The following PKD1L3 variants were observed in gnomAD, a reference collection of about 807,000 sequenced individuals.
PKD1L3 encodes the protein polycystin-1-like protein 3.
In PKD1L3, 239 loss-of-function variants were observed where a neutral mutation model predicts 184.1. The observed-to-expected ratio is 1.30, with a 90% CI of 1.17 to 1.45. PKD1L3 has a LOEUF of 1.45. Ranked by LOEUF, PKD1L3 falls within the 40% of genes most tolerant of loss-of-function variation. PKD1L3 has a pLI of 0.00. For synonymous variants in PKD1L3, 996 were observed against 778.8 expected, an observed-to-expected ratio of 1.28 and a Z score of -4.64; for missense variants, 2,660 against 2,067.2, an observed-to-expected ratio of 1.29 and a Z score of -5.56.
chr16:71,949,910 G>GTGAA lies in PKD1L3; in HGVS notation c.3487_3490dup (p.Thr1164IlefsTer3), dbSNP rs1245209321. On this transcript the variant is annotated frameshift_variant, in exon 21 of 30. Transcript: ENST00000620267. LOFTEE classifies it high-confidence loss of function. ...TGTAAAAAAGGCTGAAGCCAGGCTAGTGAAACCTAAGAGGAGCCAGCAGAC... is the reference window on the plus strand; with the variant it reads ...TGTAAAAAAGGCTGAAGCCAGGCTAGTGAATGAAACCTAAGAGGAGCCAGCAGAC... 11 of 1,551,698 alleles carry GTGAA rather than the reference G, an allele frequency of 7.1e-6. No homozygotes were observed. Among genetic ancestry groups the GTGAA allele is most frequent in the Non-Finnish European group, 9.6e-6 (11 of 1,146,998 alleles).
intron 16 of PKD1L3, among the ~76,000 whole-genome samples, chr16:71,961,635 A>C (rs1233608588): frequency 1.3e-5 from 2 of 151,994 alleles, no homozygotes; most frequent in Admixed American, 6.6e-5. Context: ...TGACCTTGTG[A>C]GCGAATCATT....
intron 25 of PKD1L3, among the ~76,000 whole-genome samples, chr16:71,936,581 G>A (rs2038188494): frequency 6.7e-6 from 1 of 148,864 alleles, no homozygotes; most frequent in African/African-American, 2.5e-5. Flanking sequence ...GTGCAAGGGC[G>A]CGATCTCGGC....
chr16:71,995,161 G>T (rs79515913), intron 2 of PKD1L3, among the ~76,000 whole-genome samples: 1 of 152,098 alleles, frequency 6.6e-6, no homozygotes, highest in Non-Finnish European at 1.5e-5. Flanking sequence ...GTTGGGGGAA[G>T]GCTGCAACCT....
At chr16:71,959,934 C>T (rs1002950280) in intron 16 of PKD1L3, among the ~76,000 whole-genome samples, 2 of 151,956 alleles carry the variant, frequency 1.3e-5, no homozygotes, top group African/African-American at 4.8e-5. Context: ...GCTTGGGCAA[C>T]ATGGTGAGAC....
At position 71,942,886 on chromosome 16, in the gene PKD1L3, G is replaced by C; in HGVS notation, c.3998C>G (p.Pro1333Arg). Residue 1333 changes from proline (P) to arginine (R), a missense_variant, in exon 24 of 30, where the codon CCC becomes CGC. Transcript: ENST00000620267. ...AGGAAGAAGGATATGATTGGCCCAG[G>C]GGTAGAAATCCTGAAGAAGTTTGAT... ...SEIKLLQDFY[P>R]WANHILLPSL... 1 of 1,551,608 alleles carries C rather than the reference G, an allele frequency of 6.4e-7. No individual in the cohort carries two copies. The highest frequency in any genetic ancestry group is 8.7e-7 in the Non-Finnish European group (1 of 1,146,954).
chr16:71,960,700 TA>T (rs768121547), intron 16 of PKD1L3, among the ~76,000 whole-genome samples: 23 of 152,238 alleles, frequency 1.5e-4, no homozygotes, highest in Middle Eastern at 6.8e-3. Flanking sequence ...ATTAAACAGA[TA>T]AAAAATCACA....
rs867987231 is a variant in PKD1L3 at position 71,985,351 on chromosome 16, G to A, written c.834+870C>T. Among the ~76,000 whole-genome samples the A allele has an allele frequency of 5.9e-5, 9 of 152,096 alleles. No homozygotes were observed. The South Asian group carries it at 8.3e-4, about 14-fold the overall frequency. ...GTTCAACTGCATATAAACAGGGCTC[G>A]TTTGAGTTTAGGGAAAAAAAAGCAT... On this transcript the variant is annotated intron_variant, in intron 5 of 29. Coordinates refer to ENST00000620267, the MANE Select transcript of PKD1L3 (RefSeq NM_181536.2).
At chr16:71,936,461 C>T (rs1460368614) in intron 25 of PKD1L3, among the ~76,000 whole-genome samples, 1 of 151,280 alleles carries the variant, frequency 6.6e-6, no homozygotes, top group Admixed American at 6.6e-5. Context: ...TCTTGGCCTC[C>T]CAAAATGTTG....
Position 71,929,660 on chromosome 16 carries a change from C to T in PKD1L3, c.5077G>A (p.Asp1693Asn). ...KSLKKEAALIDTLLQKLSNLL... is the reference protein window; with the variant it reads ...KSLKKEAALINTLLQKLSNLL... ...TTTGAGAGCTTCTGTAGCAGTGTATCTATTAGTGCAGCTTCTTTCTGAGTA... is the reference window on the plus strand; with the variant it reads ...TTTGAGAGCTTCTGTAGCAGTGTATTTATTAGTGCAGCTTCTTTCTGAGTA... The change falls in exon 30 of 30, where the codon GAT (aspartate) becomes AAT (asparagine). Residue 1693 changes from aspartate (D) to asparagine (N), a missense_variant. By Grantham distance (23) the Asp-to-Asn change is conservative (BLOSUM62 1). Transcript: ENST00000620267. 2 of 1,548,794 alleles carry T rather than the reference C, an allele frequency of 1.3e-6. No individual in the cohort carries two copies. Among genetic ancestry groups the T allele is most frequent in the Non-Finnish European group, 1.7e-6 (2 of 1,146,142 alleles).
chr16:71,969,920 G>C lies in PKD1L3; in HGVS notation c.2139C>G (p.Ile713Met). The C allele has an allele frequency of 6.4e-7, 1 of 1,551,976 alleles. No individual in the cohort carries two copies. ...LLASLLGFYV[I>M]TVVWARKKDQ... ...CCTTTTTCCGAGCCCACACAACTGT[G>C]ATCACATAAAATCCTAAAAGGCTGG... is the stretch of plus-strand genomic sequence containing the variant. The change falls in exon 13 of 30, where the codon ATC becomes ATG. Residue 713 changes from isoleucine to methionine, a missense_variant. Physicochemically the swap from Ile to Met is conservative, Grantham distance 10. Transcript: ENST00000620267.
intron 28 of PKD1L3, chr16:71,930,784 A>C (rs2037925182): frequency 6.6e-6 from 1 of 152,194 alleles, no homozygotes; most frequent in South Asian, 2.1e-4. Context: ...GTTGTTTAAA[A>C]TTTAGATGTT....
intron 4 of PKD1L3, among the ~76,000 whole-genome samples, chr16:71,988,218 C>T (rs573514609): frequency 1.4e-4 from 21 of 151,952 alleles, no homozygotes; most frequent in African/African-American, 2.4e-4. Context: ...GTTTTGAAAT[C>T]GTGTCTCCTT....
chr16:71,949,830 T>A lies in PKD1L3; in HGVS notation c.3571A>T (p.Ile1191Phe). The A allele has an allele frequency of 5.2e-6, 8 of 1,551,444 alleles. No individual in the cohort carries two copies. Among genetic ancestry groups the A allele is most frequent in the Non-Finnish European group, 7.0e-6 (8 of 1,146,974 alleles). ...ATGTTCTGAAGCACTGATAAAATAA[T>A]TGAAATCATCCAGCTGGTGGCTTGG... ...KDQATSWMIS[I>F]ILSVLQNIFI... Residue 1191 changes from isoleucine (I) to phenylalanine (F), a missense_variant, in exon 21 of 30, where the codon ATT (isoleucine) becomes TTT (phenylalanine). By Grantham distance (21) the Ile-to-Phe change is conservative (BLOSUM62 0). Coordinates refer to ENST00000620267, the MANE Select transcript of PKD1L3 (RefSeq NM_181536.2).
intron 26 of PKD1L3, among the ~76,000 whole-genome samples, chr16:71,934,690 G>C (rs1005644568): frequency 6.6e-6 from 1 of 152,034 alleles, no homozygotes; most frequent in Admixed American, 6.6e-5. Context: ...CAGGTTACTT[G>C]GAAGGAGCCC....
chr16:71,967,399 T>A (rs988184740), intron 14 of PKD1L3, 84 bp from the exon 15 acceptor site: 3 of 1,295,942 alleles, frequency 2.3e-6, no homozygotes, highest in Admixed American at 2.7e-5. Flanking sequence ...GACGAAGACA[T>A]AGAAAACTAT....
rs968352703 is a variant in PKD1L3, at chr16:71,942,772, C to T, written c.4112G>A (p.Arg1371His). Residue 1371 changes from arginine to histidine, a missense_variant, in exon 24 of 30, where the codon CGT becomes CAT. Transcript: ENST00000620267. ...GTCCACTTTCTCATAGGTCTTGGTACGGGGTATTTGGAAAATTAATTGTAC... is the reference window on the plus strand; with the variant it reads ...GTCCACTTTCTCATAGGTCTTGGTATGGGGTATTTGGAAAATTAATTGTAC... ...CGVQLIFQIP[R>H]TKTYEKVDEG... The T allele has an allele frequency of 1.1e-5, 17 of 1,551,476 alleles. No individual in the cohort carries two copies. The highest frequency in any genetic ancestry group is 2.7e-5 in the African/African-American group (2 of 73,006).
In PKD1L3 at chr16:71,973,649, A is replaced by T. The variant is rs1002739856; in HGVS notation, c.1760-132T>A. On this transcript the variant is annotated intron_variant, in intron 11 of 29. Transcript: ENST00000620267. ...TGAAACTAGAGTCACAAATGATTTG[A>T]AAGAAAATGACCAGTGATACAACCC... 5 of 868,482 alleles carry T rather than the reference A, an allele frequency of 5.8e-6. No homozygotes were observed. In the African/African-American group the frequency reaches 8.5e-5, roughly 15 times the overall value. The allele number at this position is 868,482 out of a possible 1,614,324, so 53.8% of individuals were successfully genotyped here.
chr16:71,969,982 G>T lies in PKD1L3; in HGVS notation c.2077C>A (p.Arg693Ser). 2 of 1,551,774 alleles carry T rather than the reference G, an allele frequency of 1.3e-6. No homozygotes were observed. Among genetic ancestry groups the T allele is most frequent in the Non-Finnish European group, 1.7e-6 (2 of 1,147,030 alleles). Reference sequence around the variant, plus strand: ...ACCCCAACAGGATTGTTGGTCACGCGAAGGAACAGTTTGATCGTGTCTTCA... The same window carrying T: ...ACCCCAACAGGATTGTTGGTCACGCTAAGGAACAGTTTGATCGTGTCTTCA... ...NVEDTIKLFL[R>S]VTNNPVGVSL... Residue 693 changes from arginine to serine, a missense_variant, in exon 13 of 30, where the codon CGC becomes AGC. By Grantham distance (110) the Arg-to-Ser change is moderately radical (BLOSUM62 -1). Transcript: ENST00000620267.
rs1230340621 is a variant in PKD1L3 at position 71,983,896 on chromosome 16, C to T, written c.966+140G>A. On this transcript the variant is annotated intron_variant, in intron 6 of 29. Transcript: ENST00000620267. Reference sequence around the variant, plus strand: ...CAGTCAGGTCTTGAACTCCTGGCCTCATGTGATCCGCCCGCCTCGGCCTTC... The same window carrying T: ...CAGTCAGGTCTTGAACTCCTGGCCTTATGTGATCCGCCCGCCTCGGCCTTC... 1.0e-5 allele frequency: 12 copies of T among 1,195,438 alleles called. No homozygotes were observed. The Admixed American group carries it at 3.1e-4, about 31-fold the overall frequency. 74.1% of individuals were successfully genotyped at this position (1,195,438 alleles called of 1,614,324 possible).
Sources: allele counts gnomAD v4.1 joint callset (sites outside exome capture counted in the v4.1 genomes callset), GRCh38; gene constraint gnomAD v4.1.1; transcripts MANE v1.5; gene names NCBI Gene and HGNC (gene_info 2026-07-23, HGNC 2026-07-21).